Variants in USP42 observed in about 807,000 individuals in gnomAD.
USP42 encodes the protein ubiquitin specific peptidase 42, also known as ubiquitin carboxyl-terminal hydrolase 42.
Under a neutral mutation model 113.0 loss-of-function variants are expected in USP42, and 23 were observed. That is an observed-to-expected ratio of 0.20 (90% CI 0.15 to 0.29). The LOEUF (loss-of-function observed/expected upper bound fraction) is 0.29, where lower values mean the gene tolerates loss of function less well. Among genes scored for constraint, USP42 ranks in the 10% least tolerant of loss-of-function variants. The pLI, the probability that USP42 is intolerant of heterozygous loss-of-function variation, is 1.00. For synonymous variants in USP42, 933 were observed against 699.0 expected (o/e 1.33, Z -5.28); for missense variants, 2,174 against 1,779.8 (o/e 1.22, Z -3.99).
chr7:6,105,661 G>A (rs1167102918), intron 1 of USP42, among the ~76,000 whole-genome samples: 6 of 152,220 alleles, frequency 3.9e-5, no homozygotes, highest in South Asian at 2.1e-4. Flanking sequence ...CGGCCACCCC[G>A]AAGGGAGAGG....
rs1268664797 is a variant in USP42 at position 6,139,729 on chromosome 7, C to G, written c.657-399C>G. 1 of 272,766 alleles carries G rather than the reference C, an allele frequency of 3.7e-6. No homozygotes were observed. The highest frequency in any genetic ancestry group is 7.1e-6 in the Non-Finnish European group (1 of 141,444). The allele number at this position is 272,766 out of a possible 1,614,324, so 16.9% of individuals were successfully genotyped here. ...TGCATTCTCCCTGCCCTGGCACCGCCCTGTCTAGGACTTCATTGTCCGGGT... is the reference window on the plus strand; with the variant it reads ...TGCATTCTCCCTGCCCTGGCACCGCGCTGTCTAGGACTTCATTGTCCGGGT... On this transcript the variant is annotated intron_variant, in intron 5 of 17. Coordinates refer to ENST00000306177, the MANE Select transcript of USP42 (RefSeq NM_032172.3). The surrounding 1 kb of genome is among the most constrained non-coding windows in gnomAD (Gnocchi z 4.5).
At position 6,159,957 on chromosome 7, in the gene USP42, C is replaced by G. The variant is rs918483917; in HGVS notation, c.*36+464C>G. ...GCACTGAGCTGGAGCCAGCACCCCC[C>G]CAGCAGCCACCGTACAAAACCATAG... On this transcript the variant is annotated intron_variant, in intron 17 of 17. Coordinates refer to ENST00000306177, the MANE Select transcript of USP42 (RefSeq NM_032172.3). The surrounding 1 kb of genome is among the most constrained non-coding windows in gnomAD (Gnocchi z 4.1). Among the ~76,000 whole-genome samples the G allele has an allele frequency of 6.6e-6, 1 of 152,244 alleles. No homozygotes were observed. The highest frequency in any genetic ancestry group is 6.5e-5 in the Admixed American group (1 of 15,290).
intron 3 of USP42, among the ~76,000 whole-genome samples, chr7:6,129,626 C>T (rs890977661): frequency 4.6e-5 from 7 of 150,790 alleles, no homozygotes; most frequent in South Asian, 2.1e-4. Context: ...TTTGGGAGGC[C>T]GAGGCGGGCG....
chr7:6,126,099 T>A (rs1355570385), intron 3 of USP42, among the ~76,000 whole-genome samples: 1 of 152,212 alleles, frequency 6.6e-6, no homozygotes, highest in Non-Finnish European at 1.5e-5. Flanking sequence ...TAACCTCTGG[T>A]GACCACTGAT....
intron 4 of USP42, among the ~76,000 whole-genome samples, chr7:6,136,808 CT>C (rs80342183): frequency 1.3e-3 from 186 of 141,856 alleles, no homozygotes; most frequent in Middle Eastern, 7.1e-3. Flanking sequence ...TTCGGTTCTT[CT>C]TTTTTTTTTT....
At chr7:6,120,519 AG>A (rs1340518733) in intron 3 of USP42, among the ~76,000 whole-genome samples, 1 of 152,088 alleles carries the variant, frequency 6.6e-6, no homozygotes, top group Non-Finnish European at 1.5e-5. Context: ...CTGGGATTAC[AG>A]GCATGAGACA....
chr7:6,155,436 T>C (rs1027085707), intron 15 of USP42, among the ~76,000 whole-genome samples: 10 of 152,234 alleles, frequency 6.6e-5, no homozygotes, highest in Non-Finnish European at 1.0e-4. Flanking sequence ...AACAACCTTC[T>C]TTTTCAAAAT....
chr7:6,106,469 G>C (rs767429370), intron 1 of USP42, among the ~76,000 whole-genome samples: 3 of 152,210 alleles, frequency 2.0e-5, no homozygotes, highest in African/African-American at 7.2e-5. Context: ...CCATATAAGA[G>C]ACTGGGAATT....
chr7:6,154,316 G>A lies in USP42; in HGVS notation c.2762G>A (p.Gly921Asp), dbSNP rs775104012. The A allele has an allele frequency of 3.8e-6, 6 of 1,579,538 alleles. No homozygotes were observed. In the African/African-American group the frequency reaches 5.4e-5, roughly 14 times the overall value. The change falls in exon 15 of 18, where the codon GGC becomes GAC. Residue 921 changes from glycine to aspartate, a missense_variant. By Grantham distance (94) the Gly-to-Asp change is moderately conservative. Transcript: ENST00000306177. ...GAAGGGGACGCTGAGCCTAGCCCCG[G>A]CGAGAGGGTCGAGGACGCCGCGGCG... ...HPEGDAEPSP[G>D]ERVEDAAAPK...
At chr7:6,099,858 G>A in the USP42 span, among the ~76,000 whole-genome samples, 1 of 150,624 alleles carries the variant, frequency 6.6e-6, no homozygotes, top group African/African-American at 2.5e-5. Context: ...AGCTACCTGG[G>A]AGGCGGAGGC....
Position 6,149,682 on chromosome 7 carries a change from G to C in USP42, c.1486G>C (p.Val496Leu). The C allele has an allele frequency of 6.2e-7, 1 of 1,613,952 alleles. No homozygotes were observed. The change falls in exon 13 of 18, where the codon GTT becomes CTT. Residue 496 changes from valine to leucine, a missense_variant. Physicochemically the swap from Val to Leu is conservative, Grantham distance 32. Coordinates refer to ENST00000306177, the MANE Select transcript of USP42 (RefSeq NM_032172.3). Reference sequence around the variant, plus strand: ...TTCCAGTGTCAACAGGGCTAGTCCTGTTAATGCTTCAGCTTCTGTCCAAAA... The same window carrying C: ...TTCCAGTGTCAACAGGGCTAGTCCTCTTAATGCTTCAGCTTCTGTCCAAAA... ...GNSSVNRASP[V>L]NASASVQNWS...
intron 2 of USP42, among the ~76,000 whole-genome samples, chr7:6,115,049 T>G (rs889174901): frequency 2.0e-5 from 3 of 152,086 alleles, no homozygotes; most frequent in Admixed American, 2.0e-4. Context: ...GTCTACACTT[T>G]GCATTTGGTA....
intron 6 of USP42, among the ~76,000 whole-genome samples, chr7:6,140,573 C>G (rs1781378489): frequency 6.6e-6 from 1 of 152,196 alleles, no homozygotes. Flanking sequence ...TCCGTGCACA[C>G]ATGCTTTATG....
At chr7:6,105,870 C>G (rs926728422) in intron 1 of USP42, among the ~76,000 whole-genome samples, 1 of 152,182 alleles carries the variant, frequency 6.6e-6, no homozygotes, top group Non-Finnish European at 1.5e-5. Flanking sequence ...GTTAATGACT[C>G]TTAGGAGGCC....
chr7:6,098,368 G>T, the USP42 span, among the ~76,000 whole-genome samples: 12 of 149,742 alleles, frequency 8.0e-5, 1 homozygote, highest in Non-Finnish European at 1.6e-4. Context: ...CCTTGATCTA[G>T]GCCCCGTAGT....
At chr7:6,090,862 T>C in the USP42 span, among the ~76,000 whole-genome samples, 1 of 148,414 alleles carries the variant, frequency 6.7e-6, no homozygotes, top group East Asian at 1.9e-4. Flanking sequence ...CTAACTTCTA[T>C]TAGTAATCCT....
At chr7:6,127,006 G>T (rs1156808333) in intron 3 of USP42, among the ~76,000 whole-genome samples, 1 of 152,200 alleles carries the variant, frequency 6.6e-6, no homozygotes, top group Non-Finnish European at 1.5e-5. Context: ...GTTGTCACTA[G>T]TGTTCATTTT....
chr7:6,100,197 C>G (rs1354954323), upstream of USP42, among the ~76,000 whole-genome samples: 2 of 150,160 alleles, frequency 1.3e-5, no homozygotes, highest in Non-Finnish European at 2.9e-5. Flanking sequence ...TCCTCAAAAA[C>G]CAGAGAGATT....
intron 3 of USP42, among the ~76,000 whole-genome samples, chr7:6,118,820 A>T (rs1780053416): frequency 6.6e-6 from 1 of 152,216 alleles, no homozygotes; most frequent in Non-Finnish European, 1.5e-5. Context: ...AAAAAAAATC[A>T]GTAAGCCATA....
Sources: gnomAD v4.1 joint callset for allele counts (sites outside exome capture counted in the v4.1 genomes callset) on GRCh38, gnomAD v4.1.1 for gene constraint, Gnocchi (gnomAD v3.1) non-coding constraint, MANE v1.5 for transcripts, NCBI Gene and HGNC (gene_info 2026-07-23, HGNC 2026-07-21) for gene names.